NOL4: variants seen among roughly 807,000 people sequenced by gnomAD.
The protein encoded by NOL4 is cancer/testis antigen 125.
In NOL4, 17 loss-of-function variants were observed where a neutral mutation model predicts 75.9. That is an observed-to-expected ratio of 0.22 (90% CI 0.15 to 0.34). The LOEUF (loss-of-function observed/expected upper bound fraction) is 0.34. Ranked by LOEUF, NOL4 falls within the 10% of genes least tolerant of loss-of-function variation. The pLI is 1.00. For synonymous variants in NOL4, 292 were observed against 289.9 expected, an observed-to-expected ratio of 1.01 and a Z score of -0.07; for missense variants, 614 against 793.5, an observed-to-expected ratio of 0.77 and a Z score of 2.72.
At chr18:34,144,173 T>C (rs1157994622) in intron 1 of NOL4, among the ~76,000 whole-genome samples, 1 of 152,148 alleles carries the variant, frequency 6.6e-6, no homozygotes, top group African/African-American at 2.4e-5. Context: ...GAGCACATAT[T>C]CCCTTTTAAT....
At chr18:34,027,646 T>C (rs67789594) in intron 5 of NOL4, among the ~76,000 whole-genome samples, 20,444 of 152,200 alleles carry the variant, frequency 0.13, 1,447 homozygotes, top group Middle Eastern at 0.2. Flanking sequence ...TATTGTATTA[T>C]ACACTAATTT....
intron 9 of NOL4, among the ~76,000 whole-genome samples, chr18:33,888,315 A>T (rs373659983): frequency 6.6e-6 from 1 of 152,086 alleles, no homozygotes; most frequent in Non-Finnish European, 1.5e-5. Context: ...ATTCTGGATA[A>T]TAGCCCTTTG....
Position 34,032,880 on chromosome 18 carries a change from A to C in NOL4, c.773-13279T>G, listed in dbSNP as rs545502390. Among the ~76,000 whole-genome samples the C allele has an allele frequency of 5.3e-5, 8 of 152,256 alleles. No homozygotes were observed. The South Asian group carries it at 8.3e-4, about 16-fold the overall frequency. Reference sequence around the variant, plus strand: ...TTCCTGACATCCTAGCCCACAGAAAAACTTCATCACAGCCTCCAATAACAA... The same window carrying C: ...TTCCTGACATCCTAGCCCACAGAAACACTTCATCACAGCCTCCAATAACAA... On this transcript the variant is annotated intron_variant, in intron 5 of 10. Coordinates refer to ENST00000261592, the MANE Select transcript of NOL4 (RefSeq NM_003787.5).
At chr18:33,900,125 G>A (rs1285572020) in intron 9 of NOL4, among the ~76,000 whole-genome samples, 1 of 152,142 alleles carries the variant, frequency 6.6e-6, no homozygotes, top group East Asian at 1.9e-4. Context: ...TAATGGTTTT[G>A]CATGGTGCTG....
intron 5 of NOL4, among the ~76,000 whole-genome samples, chr18:34,085,121 AAATC>A (rs1234093132): frequency 1.3e-5 from 2 of 152,380 alleles, no homozygotes; most frequent in African/African-American, 4.8e-5. Flanking sequence ...CTGGATATAT[AAATC>A]AATAGGTTCA....
At chr18:33,911,918 G>T (rs953592320) in intron 9 of NOL4, among the ~76,000 whole-genome samples, 1 of 151,852 alleles carries the variant, frequency 6.6e-6, no homozygotes, top group African/African-American at 2.4e-5. Flanking sequence ...AGACCTTTTT[G>T]CCTTTATTTC....
At chr18:34,078,288 T>C (rs1238630686) in intron 5 of NOL4, among the ~76,000 whole-genome samples, 1 of 152,212 alleles carries the variant, frequency 6.6e-6, no homozygotes, top group Non-Finnish European at 1.5e-5. Context: ...TAGGGAGACA[T>C]AAATTGTGTC....
chr18:34,175,480 TC>T (rs1348936553), intron 1 of NOL4, among the ~76,000 whole-genome samples: 2 of 152,252 alleles, frequency 1.3e-5, no homozygotes, highest in Admixed American at 6.5e-5. Flanking sequence ...TGCAGCATAT[TC>T]CCTAGGAATC....
chr18:33,896,414 T>C (rs988489234), intron 9 of NOL4, among the ~76,000 whole-genome samples: 2 of 152,066 alleles, frequency 1.3e-5, no homozygotes, highest in African/African-American at 2.4e-5. Context: ...CAAATCATGA[T>C]ACAGGTACAA....
chr18:34,028,606 A>G (rs1010372246), intron 5 of NOL4, among the ~76,000 whole-genome samples: 1 of 152,202 alleles, frequency 6.6e-6, no homozygotes, highest in Non-Finnish European at 1.5e-5. Flanking sequence ...AATTAGGCCA[A>G]AGGATTTCAT....
intron 5 of NOL4, among the ~76,000 whole-genome samples, chr18:34,071,395 T>C (rs1394728463): frequency 6.7e-6 from 1 of 150,262 alleles, no homozygotes; most frequent in African/African-American, 2.5e-5. Flanking sequence ...AAGGCAGAGA[T>C]TGTCAGGCTG....
intron 5 of NOL4, among the ~76,000 whole-genome samples, chr18:34,051,280 C>T (rs1412111882): frequency 6.6e-6 from 1 of 151,522 alleles, no homozygotes; most frequent in Non-Finnish European, 1.5e-5. Context: ...TTTAATAAAG[C>T]AAAGTGAATA....
chr18:33,998,606 TG>T (rs1352093151), intron 6 of NOL4, among the ~76,000 whole-genome samples: 1 of 152,052 alleles, frequency 6.6e-6, no homozygotes, highest in Non-Finnish European at 1.5e-5. Context: ...AGAAAATATA[TG>T]GGGAAACAAA....
chr18:33,968,861 C>T (rs1445422222), intron 6 of NOL4, among the ~76,000 whole-genome samples: 1 of 152,166 alleles, frequency 6.6e-6, no homozygotes, highest in African/African-American at 2.4e-5. Context: ...GCTGCATGCT[C>T]TTTGACTGCT....
intron 5 of NOL4, among the ~76,000 whole-genome samples, chr18:34,071,798 A>G (rs1456408184): frequency 3.9e-5 from 6 of 152,190 alleles, no homozygotes. Context: ...TTCAATTTAT[A>G]ATGGGTTTAT....
At chr18:34,187,894 T>C (rs991935514) in intron 1 of NOL4, among the ~76,000 whole-genome samples, 8 of 152,186 alleles carry the variant, frequency 5.3e-5, no homozygotes, top group South Asian at 2.1e-4. Flanking sequence ...TAAAAAACCA[T>C]GAAACTGTCT....
At chr18:34,123,532 C>CTTATAT (rs1423061319) in intron 2 of NOL4, among the ~76,000 whole-genome samples, 1 of 129,342 alleles carries the variant, frequency 7.7e-6, no homozygotes, top group African/African-American at 2.9e-5. Context: ...ATGTGATAAC[C>CTTATAT]ATATATATAT....
intron 1 of NOL4, among the ~76,000 whole-genome samples, chr18:34,155,353 G>A (rs1218424245): frequency 6.6e-6 from 1 of 151,836 alleles, no homozygotes; most frequent in African/African-American, 2.4e-5. Flanking sequence ...ATTCATGAAG[G>A]ATACTAATAA....
At chr18:34,104,194 A>G in intron 3 of NOL4, 35 bp from the exon 4 acceptor site, 1 of 1,171,860 alleles carries the variant, frequency 8.5e-7, no homozygotes, top group East Asian at 2.4e-5. Flanking sequence ...TAATGAAAGT[A>G]ATACTGCATT....
Sources: gnomAD v4.1 joint callset for allele counts (sites outside exome capture counted in the v4.1 genomes callset) on GRCh38, gnomAD v4.1.1 for gene constraint, MANE v1.5 for transcripts, NCBI Gene and HGNC (gene_info 2026-07-23, HGNC 2026-07-21) for gene names.